RASA3: variants seen among roughly 807,000 people sequenced by gnomAD.
RASA3 encodes the protein ras GTPase-activating protein 3.
In RASA3, 73 loss-of-function variants were observed where a neutral mutation model predicts 110.0. The ratio of observed to expected loss-of-function variants is 0.66; its 90% CI spans 0.55 to 0.81. RASA3 has a LOEUF of 0.81. RASA3 is among the 30% of genes least tolerant of loss of function. The pLI is 0.00. For synonymous variants in RASA3, 500 were observed against 451.4 expected (o/e 1.11, Z -1.37); for missense variants, 976 against 1,113.2 (o/e 0.88, Z 1.75).
chr13:114,131,966 C>T (rs1187378313), intron 1 of RASA3, among the ~76,000 whole-genome samples: 1 of 152,190 alleles, frequency 6.6e-6, no homozygotes, highest in Non-Finnish European at 1.5e-5. Flanking sequence ...GTGAAGGAGC[C>T]TCCACATTCC....
At chr13:114,103,529 C>T (rs1468951262) in intron 1 of RASA3, among the ~76,000 whole-genome samples, 1 of 150,294 alleles carries the variant, frequency 6.7e-6, no homozygotes, top group South Asian at 2.1e-4. Context: ...ACCCCCGATG[C>T]GTCCACACTG....
chr13:114,083,247 A>G (rs920586784), intron 1 of RASA3, among the ~76,000 whole-genome samples: 1 of 152,246 alleles, frequency 6.6e-6, no homozygotes, highest in African/African-American at 2.4e-5. Context: ...TAACCGCTAT[A>G]TACAAGATTA....
chr13:114,117,154 G>C (rs2080293508), intron 1 of RASA3, among the ~76,000 whole-genome samples: 1 of 126,538 alleles, frequency 7.9e-6, no homozygotes, highest in African/African-American at 3.0e-5. Flanking sequence ...GCACGTGTGT[G>C]AGGGGTGCAC....
At chr13:114,053,871 A>G (rs1042744444) in intron 2 of RASA3, among the ~76,000 whole-genome samples, 12 of 152,278 alleles carry the variant, frequency 7.9e-5, no homozygotes, top group South Asian at 6.2e-4. Flanking sequence ...CACGCCTGTA[A>G]TCCCAACACT....
chr13:114,089,243 C>T (rs918695911), intron 1 of RASA3, among the ~76,000 whole-genome samples: 6 of 131,512 alleles, frequency 4.6e-5, no homozygotes, highest in East Asian at 2.6e-4. Context: ...CAGGGATGTT[C>T]GGAGGAGGAG....
intron 1 of RASA3, among the ~76,000 whole-genome samples, chr13:114,076,159 A>G (rs9590548): frequency 0.01 from 1,578 of 152,342 alleles, 19 homozygotes; most frequent in African/African-American, 0.037. Context: ...CCTGAACTGC[A>G]AAAGCAAGAG....
chr13:114,001,374 G>A (rs7320761), intron 18 of RASA3, among the ~76,000 whole-genome samples: 40,987 of 137,862 alleles, frequency 0.3, 5,717 homozygotes, highest in East Asian at 0.41. Flanking sequence ...GAGGACCCGC[G>A]GCCGCGGGCT....
At chr13:114,063,034 G>A (rs1028849039) in intron 2 of RASA3, among the ~76,000 whole-genome samples, 2 of 152,250 alleles carry the variant, frequency 1.3e-5, no homozygotes, top group African/African-American at 2.4e-5. Context: ...ATTACAGGGC[G>A]CGAGTGTCGT....
intron 2 of RASA3, among the ~76,000 whole-genome samples, chr13:114,064,435 T>A (rs1188636018): frequency 6.6e-6 from 1 of 151,962 alleles, no homozygotes; most frequent in African/African-American, 2.4e-5. Context: ...CAGGGTCAGT[T>A]CCCTCCACAC....
intron 18 of RASA3, among the ~76,000 whole-genome samples, chr13:114,007,124 T>C (rs143390949): frequency 0.38 from 10 of 26 alleles, 5 homozygotes; most frequent in Non-Finnish European, 1. Context: ...CCTGCCCTGC[T>C]GGACACCACC....
In RASA3 at chr13:114,018,795, G is replaced by T; in HGVS notation, c.910C>A (p.Arg304=). ...TCCGCAGACTTCAACAGCAGGTCCC[G>T]CAGAGGGCTGTAATAGTCAGAAGAA... ...VFSSDYYSPL[R]DLLLKSADVE... Residue 304 remains arginine, a synonymous_variant, in exon 10 of 24, where the codon CGG becomes AGG. Coordinates refer to ENST00000334062, the MANE Select transcript of RASA3 (RefSeq NM_007368.4). The T allele has an allele frequency of 1.2e-6, 2 of 1,613,542 alleles. No homozygotes were observed.
In RASA3 at chr13:114,021,444, G is replaced by A; in HGVS notation, c.745C>T (p.Pro249Ser). ...CTGGACTGCCGCAGGACTTTCAACG[G>A]GATCCTTAGTTCTCCCAGGAATTCA... is the stretch of plus-strand genomic sequence containing the variant. The part of the protein sequence containing the change: ...GDEFLGELRI[P>S]LKVLRQSSSY... Residue 249 changes from proline to serine, a missense_variant, in exon 9 of 24, where the codon CCG becomes TCG. Pro to Ser is a moderately conservative substitution (Grantham distance 74). This residue lies in a region of RASA3 where 732 missense variants were observed against 779.7 expected (regional missense o/e 0.94). Coordinates refer to ENST00000334062, the MANE Select transcript of RASA3 (RefSeq NM_007368.4). 6.2e-7 allele frequency: 1 copy of A among 1,613,996 alleles called. No homozygotes were observed. The highest frequency in any genetic ancestry group is 8.5e-7 in the Non-Finnish European group (1 of 1,180,014).
intron 22 of RASA3, among the ~76,000 whole-genome samples, chr13:113,989,550 C>G (rs998204362): frequency 6.6e-6 from 1 of 151,052 alleles, no homozygotes; most frequent in African/African-American, 2.4e-5. Flanking sequence ...ACCCATCCTT[C>G]CATCCACCCA....
intron 12 of RASA3, among the ~76,000 whole-genome samples, chr13:114,017,001 T>A (rs1364491717): frequency 6.6e-6 from 1 of 152,184 alleles, no homozygotes; most frequent in Non-Finnish European, 1.5e-5. Flanking sequence ...TTCTCCTTTG[T>A]GGAGTGGTGG....
At chr13:114,126,377 T>C (rs930082936) in intron 1 of RASA3, among the ~76,000 whole-genome samples, 3 of 152,148 alleles carry the variant, frequency 2.0e-5, no homozygotes, top group Non-Finnish European at 4.4e-5. Context: ...AGGCCGTGCA[T>C]CTCATAACAC....
intron 9 of RASA3, among the ~76,000 whole-genome samples, chr13:114,020,031 T>C (rs1300001970): frequency 3.5e-5 from 1 of 28,562 alleles, no homozygotes; most frequent in African/African-American, 3.8e-4. Context: ...AGCAGCCCTG[T>C]CAGGTGGGTG....
At chr13:114,002,503 G>C (rs1015092110) in intron 18 of RASA3, among the ~76,000 whole-genome samples, 34 of 152,252 alleles carry the variant, frequency 2.2e-4, no homozygotes, top group Non-Finnish European at 3.4e-4. Context: ...GTTGGGGGGG[G>C]ACTGGGAGCT....
At chr13:114,067,070 A>G (rs1459266621) in intron 2 of RASA3, among the ~76,000 whole-genome samples, 1 of 136,302 alleles carries the variant, frequency 7.3e-6, no homozygotes, top group Non-Finnish European at 1.6e-5. Flanking sequence ...GGCTGAGGAC[A>G]GGCCCCCCAA....
At chr13:114,036,631 G>A (rs1346355622) in intron 4 of RASA3, among the ~76,000 whole-genome samples, 1 of 151,966 alleles carries the variant, frequency 6.6e-6, no homozygotes, top group African/African-American at 2.4e-5. Flanking sequence ...TCCGCCTCCC[G>A]GGTTCAAGCG....
Sources: gnomAD v4.1 joint callset for allele counts (sites outside exome capture counted in the v4.1 genomes callset) on GRCh38, gnomAD v4.1.1 for gene constraint, gnomAD v4.1.1 regional missense constraint, MANE v1.5 for transcripts, NCBI Gene and HGNC (gene_info 2026-07-23, HGNC 2026-07-21) for gene names.